RESF1: variants seen among roughly 807,000 people sequenced by gnomAD.
RESF1 encodes retroelement silencing factor 1.
In RESF1, 65 loss-of-function variants were observed where a neutral mutation model predicts 134.7. The ratio of observed to expected loss-of-function variants is 0.48; its 90% CI spans 0.40 to 0.59. The LOEUF (loss-of-function observed/expected upper bound fraction) is 0.59. Ranked by LOEUF, RESF1 falls within the 20% of genes least tolerant of loss-of-function variation. The probability of loss-of-function intolerance (pLI) is 0.00; values close to 1 mark genes in which losing one functional copy is unlikely to be tolerated. For missense variants in RESF1, 2,274 were observed against 2,002.7 expected (o/e 1.14, Z -2.59); for synonymous variants, 762 against 702.2 (o/e 1.09, Z -1.35).
Position 31,984,020 on chromosome 12 carries a change from C to G in RESF1, c.3065C>G (p.Pro1022Arg), listed in dbSNP as rs770338255. Residue 1022 changes from proline (P) to arginine (R), a missense_variant, in exon 4 of 6, where the codon CCT becomes CGT. Pro to Arg is a moderately radical substitution (Grantham distance 103). Coordinates refer to ENST00000312561, the MANE Select transcript of RESF1 (RefSeq NM_018169.4). ...SSAAIQEDIY[P>R]QEIDASSNYT... ...GCTGCTATTCAGGAGGATATTTACC[C>G]TCAGGAAATAGATGCATCCAGCAAC... 1.2e-6 allele frequency: 2 copies of G among 1,613,986 alleles called. No homozygotes were observed. Among genetic ancestry groups the G allele is most frequent in the Non-Finnish European group, 1.7e-6 (2 of 1,179,964 alleles).
At chr12:31,989,114 G>T (rs1426017778) in intron 5 of RESF1, among the ~76,000 whole-genome samples, 2 of 151,842 alleles carry the variant, frequency 1.3e-5, no homozygotes, top group South Asian at 4.2e-4. Flanking sequence ...GGCAAAGAGG[G>T]GGCTGGGCAC....
rs770415866 is a variant in RESF1, at chr12:31,982,070, T to C, written c.1115T>C (p.Ile372Thr). Residue 372 changes from isoleucine to threonine, a missense_variant, in exon 4 of 6, where the codon ATA (isoleucine) becomes ACA (threonine). Coordinates refer to ENST00000312561, the MANE Select transcript of RESF1 (RefSeq NM_018169.4). The part of the protein sequence containing the change: ...QTLAQTNEEK[I>T]MDSCNPTSNQ... ...CTTGCTCAAACTAATGAAGAGAAAA[T>C]AATGGATTCTTGCAATCCAACTTCA... 10 of 1,613,960 alleles carry C rather than the reference T, an allele frequency of 6.2e-6. No individual in the cohort carries two copies. In the East Asian group the frequency reaches 1.8e-4, roughly 29 times the overall value.
Position 31,985,453 on chromosome 12 carries a change from A to G in RESF1, c.4498A>G (p.Ser1500Gly). 2.5e-6 allele frequency: 4 copies of G among 1,607,590 alleles called. No homozygotes were observed. The highest frequency in any genetic ancestry group is 2.2e-5 in the East Asian group (1 of 44,868). The change falls in exon 4 of 6, where the codon AGC becomes GGC. Residue 1500 changes from serine to glycine, a missense_variant. By Grantham distance (56) the Ser-to-Gly change is moderately conservative (BLOSUM62 0). Transcript: ENST00000312561. Reference protein sequence around the residue: ...SCGKSNEKHSSGVQTSKESLN... With the variant: ...SCGKSNEKHSGGVQTSKESLN... Reference sequence around the variant, plus strand: ...TGGGAAATCAAATGAGAAACACAGCAGCGGCGTGCAGACCTCTAAAGAATC... The same window carrying G: ...TGGGAAATCAAATGAGAAACACAGCGGCGGCGTGCAGACCTCTAAAGAATC...
At chr12:31,976,921 T>C (rs1280743522) in intron 3 of RESF1, among the ~76,000 whole-genome samples, 1 of 152,214 alleles carries the variant, frequency 6.6e-6, no homozygotes, top group African/African-American at 2.4e-5. Context: ...CAGTGTTTAA[T>C]TAAGCTTCAT....
intron 4 of RESF1, 146 bp from the exon 5 acceptor site, chr12:31,987,093 C>A: frequency 1.8e-6 from 1 of 563,798 alleles, no homozygotes. Flanking sequence ...AATCATTTTT[C>A]CAGTCCTTTT....
Position 31,981,848 on chromosome 12 carries a change from C to T in RESF1, c.893C>T (p.Thr298Ile). ...SQPLQSTQHI[T>I]KHLSMEVPQS... ...CCTTTGCAAAGTACTCAGCATATTA[C>T]TAAACACTTGTCTATGGAAGTTCCT... The change falls in exon 4 of 6, where the codon ACT (threonine) becomes ATT (isoleucine). Residue 298 changes from threonine to isoleucine, a missense_variant. Physicochemically the swap from Thr to Ile is moderately conservative, Grantham distance 89. Coordinates refer to ENST00000312561, the MANE Select transcript of RESF1 (RefSeq NM_018169.4). 6.2e-7 allele frequency: 1 copy of T among 1,614,060 alleles called. No individual in the cohort carries two copies. Among genetic ancestry groups the T allele is most frequent in the African/African-American group, 1.3e-5 (1 of 75,014 alleles).
In RESF1 at chr12:31,981,038, T is replaced by C. The variant is rs771847815; in HGVS notation, c.83T>C (p.Leu28Ser). ...KSQPPFLHQS[L>S]INQITTTSQS... is the part of the protein sequence containing the mutation. ...CAGCCACCTTTTTTGCACCAGTCTT[T>C]AATAAACCAAATTACCACAACATCT... Residue 28 changes from leucine to serine, a missense_variant, in exon 4 of 6, where the codon TTA becomes TCA. Leu to Ser is a moderately radical substitution (Grantham distance 145). Transcript: ENST00000312561. 2.5e-6 allele frequency: 4 copies of C among 1,614,166 alleles called. No individual in the cohort carries two copies. The highest frequency in any genetic ancestry group is 3.4e-6 in the Non-Finnish European group (4 of 1,180,004).
At chr12:31,991,922 C>A (rs4931593) in intron 5 of RESF1, among the ~76,000 whole-genome samples, 92,780 of 152,070 alleles carry the variant, frequency 0.61, 28,480 homozygotes, top group Middle Eastern at 0.68. Flanking sequence ...GAAATGGTCT[C>A]AAGAAACAGG....
chr12:31,964,825 G>T (rs944986034), intron 2 of RESF1, among the ~76,000 whole-genome samples: 1 of 152,216 alleles, frequency 6.6e-6, no homozygotes, highest in African/African-American at 2.4e-5. Context: ...AAGTTTTTAA[G>T]ATATCCTGGA....
intron 2 of RESF1, among the ~76,000 whole-genome samples, chr12:31,967,448 AC>A: frequency 6.6e-6 from 1 of 152,254 alleles, no homozygotes; most frequent in Non-Finnish European, 1.5e-5. Context: ...CGATGGAGTT[AC>A]ATTTCGATAA....
chr12:31,976,163 A>T (rs1320010944), intron 3 of RESF1, among the ~76,000 whole-genome samples: 1 of 152,148 alleles, frequency 6.6e-6, no homozygotes, highest in Non-Finnish European at 1.5e-5. Flanking sequence ...TACATTTCTG[A>T]TATTCATAAT....
Position 31,985,417 on chromosome 12 carries a change from G to T in RESF1, c.4462G>T (p.Val1488Phe). 6.2e-7 allele frequency: 1 copy of T among 1,605,968 alleles called. No homozygotes were observed. ...GAGACCAAGTAAACTTGCCGTGCAG[G>T]TTGAAAGTTGTGGGAAATCAAATGA... ...HMRPSKLAVQ[V>F]ESCGKSNEKH... The change falls in exon 4 of 6, where the codon GTT becomes TTT. Residue 1488 changes from valine (V) to phenylalanine (F), a missense_variant. Coordinates refer to ENST00000312561, the MANE Select transcript of RESF1 (RefSeq NM_018169.4).
Position 31,984,501 on chromosome 12 carries a change from CGAA to C in RESF1, c.3548_3550del (p.Glu1183del). On this transcript the variant is annotated inframe_deletion, in exon 4 of 6. Coordinates refer to ENST00000312561, the MANE Select transcript of RESF1 (RefSeq NM_018169.4). ...CATTGGGCTGGCTCTCCATGGTTTA[CGAA>C]GGAGTACCCCAGTGTCAGTGTAATT... 6.2e-7 allele frequency: 1 copy of C among 1,608,450 alleles called. No individual in the cohort carries two copies. The highest frequency in any genetic ancestry group is 8.5e-7 in the Non-Finnish European group (1 of 1,176,086).
rs2120879647 is a variant in RESF1 at position 31,984,736 on chromosome 12, A to G, written c.3781A>G (p.Lys1261Glu). The part of the protein sequence containing the change: ...LQDDSRKDTP[K>E]TKHKSLPRTE... ...AGACGACAGTAGAAAAGATACACCC[A>G]AAACAAAACATAAAAGCTTACCAAG... Residue 1261 changes from lysine (K) to glutamate (E), a missense_variant, in exon 4 of 6, where the codon AAA becomes GAA. Physicochemically the swap from Lys to Glu is moderately conservative, Grantham distance 56. Transcript: ENST00000312561. 1.9e-6 allele frequency: 3 copies of G among 1,610,226 alleles called. No homozygotes were observed. In the East Asian group the frequency reaches 6.7e-5, roughly 36 times the overall value.
At position 31,983,887 on chromosome 12, in the gene RESF1, C is replaced by A. The variant is rs779154748; in HGVS notation, c.2932C>A (p.Pro978Thr). 1 of 1,613,780 alleles carries A rather than the reference C, an allele frequency of 6.2e-7. No homozygotes were observed. Among genetic ancestry groups the A allele is most frequent in the Non-Finnish European group, 8.5e-7 (1 of 1,180,006 alleles). The change falls in exon 4 of 6, where the codon CCC becomes ACC. Residue 978 changes from proline to threonine, a missense_variant. Pro to Thr is a conservative substitution (Grantham distance 38, BLOSUM62 -1). Transcript: ENST00000312561. ...ATGTGATCAGTCAAAGTCAGAGCCA[C>A]CCTTAGAGTCATCTTTTAACAATCT... is the stretch of plus-strand genomic sequence containing the variant. ...KICDQSKSEP[P>T]LESSFNNLET...
chr12:31,961,280 G>A (rs1206074769), intron 2 of RESF1, among the ~76,000 whole-genome samples: 2 of 152,178 alleles, frequency 1.3e-5, no homozygotes, highest in Non-Finnish European at 2.9e-5. Context: ...CATGTCCAGG[G>A]CTTTCATCTG....
chr12:31,972,188 C>T (rs570456963), intron 3 of RESF1, among the ~76,000 whole-genome samples: 3 of 152,260 alleles, frequency 2.0e-5, no homozygotes, highest in Admixed American at 6.5e-5. Flanking sequence ...AGGTGTTTCC[C>T]TGAGTTCTGT....
chr12:31,970,153 G>T (rs1939475033), intron 2 of RESF1, 36 bp from the exon 3 acceptor site: 1 of 152,128 alleles, frequency 6.6e-6, no homozygotes, highest in Admixed American at 6.5e-5. Context: ...TAATATGAAA[G>T]TCCACATCCA....
intron 3 of RESF1, among the ~76,000 whole-genome samples, chr12:31,972,426 G>A (rs1939530638): frequency 6.6e-6 from 1 of 151,786 alleles, no homozygotes; most frequent in Non-Finnish European, 1.5e-5. Flanking sequence ...CTAACATGGT[G>A]AAACCCTGTC....
Sources: gnomAD v4.1 joint callset for allele counts (sites outside exome capture counted in the v4.1 genomes callset) on GRCh38, gnomAD v4.1.1 for gene constraint, MANE v1.5 for transcripts, NCBI Gene and HGNC (gene_info 2026-07-23, HGNC 2026-07-21) for gene names.